Variants in FOCAD observed in about 807,000 individuals in gnomAD.
FOCAD encodes the protein KIAA1797.
In FOCAD, 198 loss-of-function variants were observed where a neutral mutation model predicts 225.6. The observed-to-expected ratio is 0.88, with a 90% CI of 0.78 to 0.99. The LOEUF (loss-of-function observed/expected upper bound fraction) is 0.99, where lower values mean the gene tolerates loss of function less well. Ranked by LOEUF, FOCAD falls within the 50% of genes least tolerant of loss-of-function variation. The probability of loss-of-function intolerance (pLI) is 0.00; values close to 1 mark genes in which losing one functional copy is unlikely to be tolerated. For synonymous variants in FOCAD, 897 were observed against 755.0 expected, an observed-to-expected ratio of 1.19 and a Z score of -3.08; for missense variants, 2,713 against 2,123.6, an observed-to-expected ratio of 1.28 and a Z score of -5.46.
At chr9:20,660,985 G>T (rs144174072) in intron 2 of FOCAD, among the ~76,000 whole-genome samples, 5 of 152,132 alleles carry the variant, frequency 3.3e-5, no homozygotes, top group African/African-American at 1.2e-4. Context: ...CATAGACCAC[G>T]GGAAAGGAGT....
intron 24 of FOCAD, among the ~76,000 whole-genome samples, chr9:20,919,262 G>A (rs897646277): frequency 3.9e-5 from 6 of 152,142 alleles, no homozygotes; most frequent in Non-Finnish European, 8.8e-5. Flanking sequence ...TACAAGGGAC[G>A]TGAAGGACCT....
chr9:20,871,668 A>G (rs1014152371), intron 18 of FOCAD, among the ~76,000 whole-genome samples: 5 of 147,706 alleles, frequency 3.4e-5, no homozygotes, highest in African/African-American at 1.2e-4. Context: ...AAAAAAAACC[A>G]AACACCGCAT....
intron 10 of FOCAD, among the ~76,000 whole-genome samples, chr9:20,787,506 G>T (rs748010500): frequency 6.6e-6 from 1 of 152,026 alleles, no homozygotes; most frequent in Non-Finnish European, 1.5e-5. Context: ...CCTTGGCCAT[G>T]GTTGTTAATG....
At chr9:20,993,537 A>G (rs1239197489) in intron 43 of FOCAD, among the ~76,000 whole-genome samples, 1 of 152,226 alleles carries the variant, frequency 6.6e-6, no homozygotes, top group Non-Finnish European at 1.5e-5. Context: ...AAGTCTAAAC[A>G]CAAAGTTTAT....
intron 3 of FOCAD, among the ~76,000 whole-genome samples, chr9:20,718,711 T>A (rs1028581802): frequency 1.3e-5 from 2 of 152,226 alleles, no homozygotes; most frequent in Admixed American, 1.3e-4. Flanking sequence ...CTGCCTATAA[T>A]CACATTGTGT....
chr9:20,696,284 T>C (rs1338051894), intron 1 of FOCAD, among the ~76,000 whole-genome samples: 2 of 152,224 alleles, frequency 1.3e-5, no homozygotes, highest in Non-Finnish European at 2.9e-5. Context: ...TGATAATGTA[T>C]TGTATAGTTG....
intron 25 of FOCAD, 132 bp downstream of exon 25, chr9:20,923,900 T>A (rs775430885): frequency 3.1e-6 from 2 of 645,520 alleles, no homozygotes; most frequent in Admixed American, 5.4e-5. Context: ...GATGGGCCTT[T>A]ATACTGTGAG....
rs1285043896 is a variant in FOCAD, at chr9:20,740,235, G to A, written c.288-1G>A. On this transcript the variant is annotated splice_acceptor_variant, in intron 4 of 43. Coordinates refer to ENST00000338382, the MANE Select transcript of FOCAD (RefSeq NM_001375567.1). LOFTEE classifies it high-confidence loss of function. ...ATTTAACATGCTATATTTCTTTGCA[G>A]AAATACACATGGCTTGATAAAAGCC... 6.3e-7 allele frequency: 1 copy of A among 1,585,928 alleles called. No individual in the cohort carries two copies.
chr9:20,864,908 T>A (rs994705055), intron 16 of FOCAD, among the ~76,000 whole-genome samples: 1 of 152,130 alleles, frequency 6.6e-6, no homozygotes, highest in Non-Finnish European at 1.5e-5. Flanking sequence ...ATTGTATTGT[T>A]ACAGAAACTA....
chr9:20,892,022 C>T (rs960982596), intron 21 of FOCAD, among the ~76,000 whole-genome samples: 1 of 152,162 alleles, frequency 6.6e-6, no homozygotes. Flanking sequence ...CGCTGAATCT[C>T]TTCTGTGTTC....
chr9:20,735,136 C>T (rs546455714), intron 4 of FOCAD, among the ~76,000 whole-genome samples: 133 of 152,194 alleles, frequency 8.7e-4, no homozygotes, highest in Non-Finnish European at 1.5e-3. Flanking sequence ...TATCTCTATT[C>T]TCTGCTCAGT....
intron 6 of FOCAD, among the ~76,000 whole-genome samples, chr9:20,760,798 T>C (rs868553914): frequency 6.6e-6 from 1 of 152,172 alleles, no homozygotes; most frequent in Non-Finnish European, 1.5e-5. Context: ...GGCACATTTC[T>C]AGGTGCTTTA....
intron 1 of FOCAD, among the ~76,000 whole-genome samples, chr9:20,710,049 G>C (rs1169073206): frequency 1.3e-5 from 2 of 152,120 alleles, no homozygotes; most frequent in East Asian, 3.9e-4. Flanking sequence ...TCTGGGCCTG[G>C]ATCAGAGTGC....
intron 2 of FOCAD, among the ~76,000 whole-genome samples, chr9:20,665,182 T>G (rs1024349373): frequency 6.6e-6 from 1 of 152,112 alleles, no homozygotes; most frequent in Non-Finnish European, 1.5e-5. Flanking sequence ...AAACCTTGCT[T>G]GAAGTTTTAT....
At chr9:20,952,892 C>T in intron 34 of FOCAD, 93 bp from the exon 35 acceptor site, 1 of 963,524 alleles carries the variant, frequency 1.0e-6, no homozygotes, top group Non-Finnish European at 1.6e-6. Flanking sequence ...TCCACTTTGT[C>T]TCTAGGTTGA....
intron 2 of FOCAD, chr9:20,716,289 T>A (rs1379331802): frequency 3.6e-6 from 1 of 275,488 alleles, no homozygotes; most frequent in Non-Finnish European, 8.7e-6. Context: ...TTTGTTAACA[T>A]AGATAATCAA....
rs1346893375 is a variant in FOCAD, at chr9:20,819,794, A to G, written c.1456-2A>G. The G allele has an allele frequency of 4.7e-6, 7 of 1,494,150 alleles. No homozygotes were observed. Among genetic ancestry groups the G allele is most frequent in the Non-Finnish European group, 6.3e-6 (7 of 1,119,292 alleles). 92.6% of individuals were successfully genotyped at this position (1,494,150 alleles called of 1,614,324 possible). On this transcript the variant is annotated splice_acceptor_variant, in intron 11 of 43. Coordinates refer to ENST00000338382, the MANE Select transcript of FOCAD (RefSeq NM_001375567.1). LOFTEE classifies it high-confidence loss of function. ...TTAATATATTTTAAAAATTCATTTTAGGTGCCAAATCTGATTCCAGTTTTG... is the reference window on the plus strand; with the variant it reads ...TTAATATATTTTAAAAATTCATTTTGGGTGCCAAATCTGATTCCAGTTTTG...
At chr9:20,887,781 GCTGT>G (rs1353397142) in intron 21 of FOCAD, among the ~76,000 whole-genome samples, 5 of 152,210 alleles carry the variant, frequency 3.3e-5, no homozygotes, top group African/African-American at 9.6e-5. Context: ...TTTCCTAGTG[GCTGT>G]CTTATTTTGA....
At chr9:20,881,615 G>A (rs747445359) in intron 19 of FOCAD, among the ~76,000 whole-genome samples, 18 of 152,144 alleles carry the variant, frequency 1.2e-4, no homozygotes, top group Non-Finnish European at 1.5e-4. Context: ...GATTTTGAAG[G>A]TGGAATCAGA....
Sources: gnomAD v4.1 joint callset for allele counts (sites outside exome capture counted in the v4.1 genomes callset) on GRCh38, gnomAD v4.1.1 for gene constraint, MANE v1.5 for transcripts, NCBI Gene and HGNC (gene_info 2026-07-23, HGNC 2026-07-21) for gene names.